The following WWOX variants were observed in gnomAD, a reference collection of about 807,000 sequenced individuals.
WWOX encodes WW domain containing oxidoreductase.
A neutral mutation model predicts 46.2 loss-of-function variants in WWOX; 69 were observed. That is an observed-to-expected ratio of 1.49 (90% confidence interval 1.23 to 1.82). The LOEUF is 1.82. Ranked by LOEUF, WWOX falls within the 40% of genes most tolerant of loss-of-function variation. The probability of loss-of-function intolerance (pLI) is 0.00; values close to 1 mark genes in which losing one functional copy is unlikely to be tolerated. For synonymous variants in WWOX, 359 were observed against 202.6 expected, an observed-to-expected ratio of 1.77 and a Z score of -6.56; for missense variants, 919 against 542.6, an observed-to-expected ratio of 1.69 and a Z score of -6.89.
intron 8 of WWOX, among the ~76,000 whole-genome samples, chr16:79,012,516 A>G (rs2047331515): frequency 1.3e-5 from 2 of 152,214 alleles, no homozygotes; most frequent in African/African-American, 2.4e-5. Context: ...ATTACAGACA[A>G]GAGCCACTGC....
rs188012849 is a variant in WWOX at position 79,039,696 on chromosome 16, G to A, written c.1057-171912G>A. Among the ~76,000 whole-genome samples, 92 of 152,280 alleles carry A rather than the reference G, an allele frequency of 6.0e-4. No homozygotes were observed. In the Middle Eastern group the frequency reaches 0.01, roughly 17 times the overall value. On this transcript the variant is annotated intron_variant, in intron 8 of 8. Transcript: ENST00000566780. ...TGCCATCTTTCTTAAGAAAACATGA[G>A]GAGGAGCAGGGTGATGCTAGATGGA...
chr16:78,576,847 C>CT (rs1170375545), intron 8 of WWOX, among the ~76,000 whole-genome samples: 1 of 152,186 alleles, frequency 6.6e-6, no homozygotes, highest in Non-Finnish European at 1.5e-5. Context: ...TAAATGCTGC[C>CT]TTGGGTATCT....
At chr16:78,679,948 C>A (rs1245420566) in intron 8 of WWOX, among the ~76,000 whole-genome samples, 1 of 152,168 alleles carries the variant, frequency 6.6e-6, no homozygotes, top group Admixed American at 6.5e-5. Context: ...CCTTGCAAAT[C>A]CTCTAGTCAG....
chr16:78,142,322 G>T (rs758232767), intron 4 of WWOX, among the ~76,000 whole-genome samples: 2 of 152,048 alleles, frequency 1.3e-5, no homozygotes, highest in African/African-American at 2.4e-5. Context: ...AACTAATGTT[G>T]GTTTACTTAA....
chr16:78,944,018 T>G (rs528294384), intron 8 of WWOX, among the ~76,000 whole-genome samples: 9 of 152,216 alleles, frequency 5.9e-5, no homozygotes, highest in Non-Finnish European at 1.3e-4. Flanking sequence ...AAAGGACGTT[T>G]GAAGAAAAAC....
intron 8 of WWOX, among the ~76,000 whole-genome samples, chr16:78,924,429 A>G (rs1597157305): frequency 1.3e-5 from 2 of 152,322 alleles, no homozygotes; most frequent in East Asian, 3.9e-4. Flanking sequence ...TAATGGCAGA[A>G]TGGAAAGAAT....
chr16:78,651,521 T>C lies in WWOX; in HGVS notation c.1056+218769T>C, dbSNP rs377292472. On this transcript the variant is annotated intron_variant, in intron 8 of 8. Coordinates refer to ENST00000566780, the MANE Select transcript of WWOX (RefSeq NM_016373.4). ...AAGATGGGCTGGCATGAGGCCAGAG[T>C]CTATCCTTGATGCTCACCTGAGGTC... 1.4e-4 allele frequency among the ~76,000 whole-genome samples: 21 copies of C among 152,154 alleles called. 1 individual carries two copies. The highest frequency in any genetic ancestry group is 5.1e-4 in the African/African-American group (21 of 41,514).
intron 8 of WWOX, among the ~76,000 whole-genome samples, chr16:78,469,795 G>C (rs752141338): frequency 6.6e-6 from 1 of 152,118 alleles, no homozygotes; most frequent in Non-Finnish European, 1.5e-5. Context: ...CTTCCTCTCA[G>C]TGCTAGCCAG....
chr16:79,003,355 C>T (rs1057466281), intron 8 of WWOX, among the ~76,000 whole-genome samples: 2 of 152,144 alleles, frequency 1.3e-5, no homozygotes, highest in Admixed American at 6.5e-5. Context: ...TGCTGTATAC[C>T]GGGAACAGAA....
At chr16:78,526,341 T>G (rs1018760611) in intron 8 of WWOX, 1 of 152,270 alleles carries the variant, frequency 6.6e-6, no homozygotes, top group Non-Finnish European at 1.5e-5. Flanking sequence ...GGAAATGTGG[T>G]GCTGAGCCCC....
intron 6 of WWOX, among the ~76,000 whole-genome samples, chr16:78,419,886 T>A (rs2082882770): frequency 1.3e-5 from 2 of 152,114 alleles, no homozygotes; most frequent in African/African-American, 4.8e-5. Context: ...TACTTACAAA[T>A]TAAATATTAA....
chr16:78,379,641 G>A (rs1009114699), intron 5 of WWOX, among the ~76,000 whole-genome samples: 2 of 152,216 alleles, frequency 1.3e-5, no homozygotes, highest in African/African-American at 4.8e-5. Context: ...TTTGAAGCAT[G>A]CTCCGTAAGA....
chr16:78,847,425 A>T (rs1432820609), intron 8 of WWOX, among the ~76,000 whole-genome samples: 1 of 152,182 alleles, frequency 6.6e-6, no homozygotes, highest in Non-Finnish European at 1.5e-5. Context: ...AATTATATAT[A>T]TGTACACTTT....
intron 8 of WWOX, among the ~76,000 whole-genome samples, chr16:78,516,026 C>G (rs1033449026): frequency 1.3e-5 from 2 of 152,086 alleles, no homozygotes; most frequent in African/African-American, 2.4e-5. Flanking sequence ...TCCCTGCTCC[C>G]TCTCTTTAAG....
intron 8 of WWOX, among the ~76,000 whole-genome samples, chr16:78,726,926 G>A (rs567813099): frequency 6.6e-6 from 1 of 152,294 alleles, no homozygotes; most frequent in East Asian, 1.9e-4. Flanking sequence ...GCTCTAACCT[G>A]TTAGGGCTGT....
chr16:78,743,527 C>G (rs7192009), intron 8 of WWOX, among the ~76,000 whole-genome samples: 7,682 of 152,098 alleles, frequency 0.051, 582 homozygotes, highest in African/African-American at 0.16. Context: ...AAGGCTGATT[C>G]ACGTTGACTT....
intron 8 of WWOX, among the ~76,000 whole-genome samples, chr16:79,029,139 G>A (rs568108366): frequency 5.9e-5 from 9 of 152,278 alleles, no homozygotes; most frequent in Middle Eastern, 3.4e-3. Context: ...AAGCAGAATC[G>A]ATTGATGAAG....
At chr16:78,725,816 C>T (rs774461543) in intron 8 of WWOX, among the ~76,000 whole-genome samples, 36 of 152,110 alleles carry the variant, frequency 2.4e-4, no homozygotes, top group Non-Finnish European at 4.0e-4. Context: ...GCATTGCGGG[C>T]GGTGCTTGGT....
intron 8 of WWOX, among the ~76,000 whole-genome samples, chr16:79,153,885 C>T (rs924911337): frequency 1.3e-5 from 2 of 152,052 alleles, no homozygotes; most frequent in South Asian, 2.1e-4. Flanking sequence ...AAGGTATGGC[C>T]CCTAAGGTTT....
Sources: gnomAD v4.1 joint callset for allele counts (sites outside exome capture counted in the v4.1 genomes callset) on GRCh38, gnomAD v4.1.1 for gene constraint, MANE v1.5 for transcripts, NCBI Gene and HGNC (gene_info 2026-07-23, HGNC 2026-07-21) for gene names.